The following GNAL variants were observed in gnomAD, a reference collection of about 807,000 sequenced individuals.
The protein encoded by GNAL is guanine nucleotide-binding protein G(olf) subunit alpha.
Under a neutral mutation model 55.1 loss-of-function variants are expected in GNAL, and 18 were observed. The ratio of observed to expected loss-of-function variants is 0.33; its 90% CI spans 0.23 to 0.48. The LOEUF is 0.48. Ranked by LOEUF, GNAL falls within the 20% of genes least tolerant of loss-of-function variation. The pLI is 0.99. For missense variants in GNAL, 412 were observed against 614.1 expected, an observed-to-expected ratio of 0.67 and a Z score of 3.48; for synonymous variants, 253 against 237.0, an observed-to-expected ratio of 1.07 and a Z score of -0.62.
chr18:11,752,943 G>GGA lies in GNAL; in HGVS notation c.449+18_449+19insGA. The GGA allele has an allele frequency of 6.7e-7, 1 of 1,492,914 alleles. No homozygotes were observed. Among genetic ancestry groups the GGA allele is most frequent in the Non-Finnish European group, 9.3e-7 (1 of 1,071,128 alleles). The allele number at this position is 1,492,914 out of a possible 1,614,324, so 92.5% of individuals were successfully genotyped here. On this transcript the variant is annotated intron_variant, in intron 2 of 11. Coordinates refer to ENST00000334049, the MANE Select transcript of GNAL (RefSeq NM_182978.4). This position sits in a 1 kb window ranked among gnomAD's most constrained non-coding sequence, Gnocchi z 4.5. ...AATCCCGAGTAAGAATGTTCAGTTT[G>GGA]CTTCCAAACTGCATGCAAACTTCGT... is the stretch of plus-strand genomic sequence containing the variant.
rs745520047 is a variant in GNAL, at chr18:11,880,974, C to T, written c.1231-15C>T. ...TGGGGCCGCGCAGGGCTAGTGCACACGCTCTCTCTTGCAGAGGATCAGCAC... is the reference window on the plus strand; with the variant it reads ...TGGGGCCGCGCAGGGCTAGTGCACATGCTCTCTCTTGCAGAGGATCAGCAC... On this transcript the variant is annotated splice_polypyrimidine_tract_variant and intron_variant, in intron 11 of 11. Transcript: ENST00000334049. 43 of 1,612,306 alleles carry T rather than the reference C, an allele frequency of 2.7e-5. No individual in the cohort carries two copies. Among genetic ancestry groups the T allele is most frequent in the East Asian group, 1.8e-4 (8 of 44,872 alleles).
At chr18:11,797,146 G>A (rs1195171096) in intron 4 of GNAL, among the ~76,000 whole-genome samples, 4 of 152,118 alleles carry the variant, frequency 2.6e-5, no homozygotes, top group Non-Finnish European at 5.9e-5. Context: ...TGGCCAGGCT[G>A]GTCTCAAACT....
intron 4 of GNAL, among the ~76,000 whole-genome samples, chr18:11,779,369 T>A (rs1057268578): frequency 6.6e-6 from 1 of 152,260 alleles, no homozygotes; most frequent in African/African-American, 2.4e-5. Context: ...TATGTGGTAA[T>A]GCAGATTGTG....
At chr18:11,834,031 C>G (rs376009985) in intron 5 of GNAL, among the ~76,000 whole-genome samples, 12 of 152,262 alleles carry the variant, frequency 7.9e-5, no homozygotes, top group African/African-American at 2.4e-4. Context: ...TTCATACCAG[C>G]AGAACCAAAT....
chr18:11,752,632 G>A lies in GNAL; in HGVS notation c.377-221G>A. 6.7e-7 allele frequency: 1 copy of A among 1,491,854 alleles called. No homozygotes were observed. Among genetic ancestry groups the A allele is most frequent in the South Asian group, 1.3e-5 (1 of 76,610 alleles). 92.4% of individuals were successfully genotyped at this position (1,491,854 alleles called of 1,614,324 possible). A position where few individuals can be genotyped will look rare whatever the true frequency, so the allele number is the denominator to read the frequency against. ...CGGCCCCAGCGGAGCGCACAGCCAGGAGCGGCGAGCGCCAGGCTGGGCGGG... is the reference window on the plus strand; with the variant it reads ...CGGCCCCAGCGGAGCGCACAGCCAGAAGCGGCGAGCGCCAGGCTGGGCGGG... On this transcript the variant is annotated intron_variant, in intron 1 of 11. Coordinates refer to ENST00000334049, the MANE Select transcript of GNAL (RefSeq NM_182978.4). This position sits in a 1 kb window ranked among gnomAD's most constrained non-coding sequence, Gnocchi z 4.5.
intron 1 of GNAL, among the ~76,000 whole-genome samples, chr18:11,724,359 C>T (rs1467601206): frequency 6.6e-6 from 1 of 152,184 alleles, no homozygotes; most frequent in Non-Finnish European, 1.5e-5. Context: ...GCACCACAGG[C>T]TGCGTGGCTT....
intron 5 of GNAL, among the ~76,000 whole-genome samples, chr18:11,825,377 A>G (rs944231913): frequency 2.0e-5 from 3 of 152,322 alleles, no homozygotes; most frequent in East Asian, 3.9e-4. Context: ...TTAAAATAAT[A>G]CGAACCTTGT....
At position 11,753,217 on chromosome 18, in the gene GNAL, AT is replaced by A. The variant is rs35276853; in HGVS notation, c.449+299del. On this transcript the variant is annotated intron_variant, in intron 2 of 11. Coordinates refer to ENST00000334049, the MANE Select transcript of GNAL (RefSeq NM_182978.4). Reference sequence around the variant, plus strand: ...GCACACTTAACCAATATCTCGATATATTTTTTTCAATATAATATTATTTGTT... The same window carrying A: ...GCACACTTAACCAATATCTCGATATATTTTTTCAATATAATATTATTTGTT... Among the ~76,000 whole-genome samples, 54,324 of 151,978 alleles carry A rather than the reference AT, an allele frequency of 0.36. 11,328 individuals are homozygous for A. Among genetic ancestry groups the A allele is most frequent in the African/African-American group, 0.58 (24,166 of 41,434 alleles).
intron 4 of GNAL, among the ~76,000 whole-genome samples, chr18:11,801,203 A>G (rs2143505742): frequency 6.6e-6 from 1 of 152,162 alleles, no homozygotes. Context: ...GCCCTGGGGG[A>G]GCTTATAGTA....
chr18:11,783,563 C>T (rs1335038111), intron 4 of GNAL, among the ~76,000 whole-genome samples: 2 of 152,196 alleles, frequency 1.3e-5, no homozygotes, highest in African/African-American at 2.4e-5. Flanking sequence ...CATCCTCACT[C>T]CAGCACTGAC....
chr18:11,835,319 T>A (rs1402228786), intron 5 of GNAL, among the ~76,000 whole-genome samples: 1 of 145,324 alleles, frequency 6.9e-6, no homozygotes, highest in Admixed American at 6.7e-5. Flanking sequence ...AGATCTGTGA[T>A]TTTTTTTTTA....
At chr18:11,774,169 T>C (rs2033714291) in intron 4 of GNAL, among the ~76,000 whole-genome samples, 1 of 152,170 alleles carries the variant, frequency 6.6e-6, no homozygotes, top group Non-Finnish European at 1.5e-5. Context: ...TTTTCAGACG[T>C]TGCCGAGTGC....
intron 4 of GNAL, among the ~76,000 whole-genome samples, chr18:11,771,269 T>C (rs2033626603): frequency 6.6e-6 from 1 of 151,928 alleles, no homozygotes; most frequent in African/African-American, 2.4e-5. Context: ...CTTATTTCTT[T>C]GGTTAAAATG....
At chr18:11,877,138 CAGA>C (rs2036550083) in intron 11 of GNAL, among the ~76,000 whole-genome samples, 2 of 152,142 alleles carry the variant, frequency 1.3e-5, no homozygotes, top group African/African-American at 2.4e-5. Flanking sequence ...ACATATGAGG[CAGA>C]AGATTTGTAC....
At chr18:11,706,793 T>C (rs1430179476) in intron 1 of GNAL, among the ~76,000 whole-genome samples, 9 of 152,346 alleles carry the variant, frequency 5.9e-5, no homozygotes, top group African/African-American at 2.2e-4. Context: ...AGCCATTTAG[T>C]CACATCTTCG....
intron 4 of GNAL, among the ~76,000 whole-genome samples, chr18:11,804,719 A>T (rs574202425): frequency 6.7e-4 from 43 of 63,994 alleles, no homozygotes; most frequent in Middle Eastern, 9.1e-3. Flanking sequence ...GAAGTACAGG[A>T]GCGGTTTGAG....
chr18:11,759,526 A>G (rs1269171113), intron 4 of GNAL, among the ~76,000 whole-genome samples: 1 of 152,220 alleles, frequency 6.6e-6, no homozygotes, highest in Non-Finnish European at 1.5e-5. Context: ...GTCACTTTCC[A>G]ACAGCAGCCC....
intron 9 of GNAL, among the ~76,000 whole-genome samples, chr18:11,869,146 AT>A (rs140692849): frequency 0.27 from 40,823 of 149,718 alleles, 6,376 homozygotes; most frequent in African/African-American, 0.44. Flanking sequence ...TTTTTTTATT[AT>A]TTTTTTTTTA....
chr18:11,853,983 C>T (rs886597129), intron 5 of GNAL: 1 of 165,244 alleles, frequency 6.1e-6, no homozygotes, highest in Middle Eastern at 3.4e-3. Flanking sequence ...CCACCATGCC[C>T]AGCTAGTTTT....
Sources: gnomAD v4.1 joint callset for allele counts (sites outside exome capture counted in the v4.1 genomes callset) on GRCh38, gnomAD v4.1.1 for gene constraint, Gnocchi (gnomAD v3.1) non-coding constraint, MANE v1.5 for transcripts, NCBI Gene and HGNC (gene_info 2026-07-23, HGNC 2026-07-21) for gene names.